Variants in CNGB1 observed in about 807,000 individuals in gnomAD.
CNGB1 encodes cyclic nucleotide gated channel subunit beta 1.
A neutral mutation model predicts 151.7 loss-of-function variants in CNGB1; 126 were observed. The ratio of observed to expected loss-of-function variants is 0.83; its 90% CI spans 0.72 to 0.96. The LOEUF is 0.96. Ranked by LOEUF, CNGB1 falls within the 40% of genes least tolerant of loss-of-function variation. CNGB1 has a pLI of 0.00. For missense variants in CNGB1, 1,698 were observed against 1,627.0 expected (o/e 1.04, Z -0.75); for synonymous variants, 623 against 635.1 (o/e 0.98, Z 0.29).
At chr16:57,911,585 G>C (rs764636822) in intron 25 of CNGB1, among the ~76,000 whole-genome samples, 168 bp downstream of exon 25, 2 of 152,316 alleles carry the variant, frequency 1.3e-5, no homozygotes, top group Middle Eastern at 6.8e-3. Flanking sequence ...CACCACACCC[G>C]GCCCAAGATG....
chr16:57,887,812 C>A, intron 32 of CNGB1, 43 bp downstream of exon 32: 2 of 1,591,572 alleles, frequency 1.3e-6, no homozygotes, highest in Non-Finnish European at 1.7e-6. Context: ...CTCCCTGACA[C>A]ATATTGAAAT....
chr16:57,939,173 G>C (rs544929377), intron 16 of CNGB1, among the ~76,000 whole-genome samples: 272 of 152,252 alleles, frequency 1.8e-3, no homozygotes, highest in African/African-American at 6.3e-3. Context: ...CTGGGATCGG[G>C]ATTTCCCCGG....
At chr16:57,950,257 T>C (rs1230128993) in intron 13 of CNGB1, 124 bp downstream of exon 13, 3 of 1,169,954 alleles carry the variant, frequency 2.6e-6, no homozygotes, top group South Asian at 1.3e-5. Context: ...GATGGCTGTA[T>C]GAAGGCAGGG....
Position 57,920,291 on chromosome 16 carries a change from A to G in CNGB1, c.1801+96T>C, listed in dbSNP as rs2149366400. On this transcript the variant is annotated intron_variant, in intron 19 of 32. Transcript: ENST00000251102. ...TGGGCTTCTCTCATGGACCTCAACC[A>G]TTTCCTTGGGGCCACCCTTGCCATG... 3.5e-6 allele frequency: 5 copies of G among 1,441,466 alleles called. No homozygotes were observed. In the South Asian group the frequency reaches 4.6e-5, roughly 13 times the overall value. The allele number at this position is 1,441,466 out of a possible 1,614,324, so 89.3% of individuals were successfully genotyped here. A position where few individuals can be genotyped will look rare whatever the true frequency, so the allele number is the denominator to read the frequency against.
At chr16:57,964,387 T>A (rs1396219467) in intron 3 of CNGB1, 100 bp downstream of exon 3, 2 of 1,481,110 alleles carry the variant, frequency 1.4e-6, no homozygotes, top group South Asian at 1.1e-5. Context: ...AGTTTCCTCA[T>A]CTGTGAAATG....
chr16:57,885,424 C>T (rs532550027), intron 32 of CNGB1, among the ~76,000 whole-genome samples: 18 of 152,202 alleles, frequency 1.2e-4, no homozygotes, highest in Non-Finnish European at 2.2e-4. Flanking sequence ...CTCAGTGTTT[C>T]CCTATGTTTT....
At chr16:57,927,334 T>C (rs1411557123) in intron 17 of CNGB1, among the ~76,000 whole-genome samples, 5 of 152,212 alleles carry the variant, frequency 3.3e-5, no homozygotes, top group Admixed American at 3.3e-4. Context: ...TGGCTCCCAA[T>C]GTTCATTCTG....
At chr16:57,962,773 G>A (rs950955207) in intron 6 of CNGB1, 69 bp downstream of exon 6, 168 of 1,598,046 alleles carry the variant, frequency 1.1e-4, no homozygotes, top group Non-Finnish European at 1.4e-4. Context: ...CAAGGGGCAG[G>A]GCCCATCCCA....
intron 16 of CNGB1, among the ~76,000 whole-genome samples, chr16:57,936,838 AAG>A (rs1221472099): frequency 1.3e-5 from 2 of 152,230 alleles, no homozygotes; most frequent in Non-Finnish European, 1.5e-5. Context: ...GAGGAAGAGA[AAG>A]AGAGAGAAAA....
At chr16:57,939,983 G>A (rs540803581) in intron 15 of CNGB1, among the ~76,000 whole-genome samples, 6 of 152,190 alleles carry the variant, frequency 3.9e-5, no homozygotes, top group South Asian at 4.1e-4. Flanking sequence ...AGAGTGGGGA[G>A]GCGACTTGCC....
chr16:57,955,757 C>T (rs1597009326), intron 12 of CNGB1, among the ~76,000 whole-genome samples: 1 of 152,056 alleles, frequency 6.6e-6, no homozygotes, highest in Admixed American at 6.5e-5. Flanking sequence ...CGGAGGCGGG[C>T]ACTGGAGGAC....
At chr16:57,904,451 C>G (rs764309103) in intron 26 of CNGB1, among the ~76,000 whole-genome samples, 1 of 152,176 alleles carries the variant, frequency 6.6e-6, no homozygotes, top group Non-Finnish European at 1.5e-5. Context: ...ACCAGAAACA[C>G]CAGGGGCTTC....
chr16:57,923,356 A>T lies in CNGB1; in HGVS notation c.1560T>A (p.Asp520Glu). The T allele has an allele frequency of 6.2e-7, 1 of 1,613,512 alleles. No individual in the cohort carries two copies. Among genetic ancestry groups the T allele is most frequent in the Non-Finnish European group, 8.5e-7 (1 of 1,179,810 alleles). The change falls in exon 18 of 33, where the codon GAT becomes GAA. Residue 520 changes from aspartate (D) to glutamate (E), a missense_variant. Transcript: ENST00000251102. ...ACAACGCCTTGAGCTCTTCAGCCTCATCATCCTCAGAGGGCAGCTTCTTCC... is the reference window on the plus strand; with the variant it reads ...ACAACGCCTTGAGCTCTTCAGCCTCTTCATCCTCAGAGGGCAGCTTCTTCC... ...THRKKLPSEDDEAEELKALSP... is the reference protein window; with the variant it reads ...THRKKLPSEDEEAEELKALSP...
At chr16:57,899,859 G>A (rs555559600) in intron 29 of CNGB1, among the ~76,000 whole-genome samples, 1 of 152,156 alleles carries the variant, frequency 6.6e-6, no homozygotes, top group African/African-American at 2.4e-5. Context: ...ACCAGTCCCC[G>A]GGGTGTCTCA....
chr16:57,952,098 T>C (rs1446320123), intron 12 of CNGB1, among the ~76,000 whole-genome samples: 1 of 152,236 alleles, frequency 6.6e-6, no homozygotes, highest in East Asian at 1.9e-4. Context: ...AGCAGCCCCT[T>C]GGGATGCCAG....
At chr16:57,914,794 T>C (rs1344003944) in intron 23 of CNGB1, among the ~76,000 whole-genome samples, 1 of 152,190 alleles carries the variant, frequency 6.6e-6, no homozygotes, top group Non-Finnish European at 1.5e-5. Context: ...GGCACTTCCT[T>C]GCTCCTGCGA....
chr16:57,917,134 G>A lies in CNGB1; in HGVS notation c.2166+134C>T, dbSNP rs2149364662. On this transcript the variant is annotated intron_variant, in intron 21 of 32. Transcript: ENST00000251102. ...AATAAACAACCATGCTATTGAACAA[G>A]CACAGCAGCCGTTCTTGAGATTTCC... is the stretch of plus-strand genomic sequence containing the variant. 9 of 779,448 alleles carry A rather than the reference G, an allele frequency of 1.2e-5. No homozygotes were observed. In the Admixed American group the frequency reaches 1.6e-4, roughly 14 times the overall value. The allele number at this position is 779,448 out of a possible 1,614,324, so 48.3% of individuals were successfully genotyped here.
chr16:57,966,232 A>T (rs1268160850), intron 2 of CNGB1, among the ~76,000 whole-genome samples: 1 of 151,948 alleles, frequency 6.6e-6, no homozygotes, highest in East Asian at 1.9e-4. Flanking sequence ...CAATGTTGAG[A>T]CTCACCACGT....
intron 25 of CNGB1, among the ~76,000 whole-genome samples, chr16:57,909,810 G>A (rs1245856209): frequency 6.6e-6 from 1 of 152,164 alleles, no homozygotes; most frequent in Non-Finnish European, 1.5e-5. Context: ...CATCGAGGCA[G>A]TTAGGACTCT....
Sources: allele counts gnomAD v4.1 joint callset (sites outside exome capture counted in the v4.1 genomes callset), GRCh38; gene constraint gnomAD v4.1.1; transcripts MANE v1.5; gene names NCBI Gene and HGNC (gene_info 2026-07-23, HGNC 2026-07-21).